Variants in PCDHGA10 observed in about 807,000 individuals in gnomAD.
The protein encoded by PCDHGA10 is protocadherin gamma-A10.
Under a neutral mutation model 59.5 loss-of-function variants are expected in PCDHGA10, and 42 were observed. The ratio of observed to expected loss-of-function variants is 0.71; its 90% CI spans 0.55 to 0.91. PCDHGA10 has a LOEUF of 0.91. PCDHGA10 is among the 40% of genes least tolerant of loss of function. PCDHGA10 has a pLI of 0.00. For synonymous variants in PCDHGA10, 511 were observed against 517.2 expected (o/e 0.99, Z 0.16); for missense variants, 1,111 against 1,198.2 (o/e 0.93, Z 1.07).
chr5:141,507,483 T>G (rs2099860964), intron 3 of PCDHGA10, among the ~76,000 whole-genome samples: 1 of 152,184 alleles, frequency 6.6e-6, no homozygotes, highest in South Asian at 2.1e-4. Context: ...GCTGGCCTCC[T>G]GAGGCAGAGC....
At chr5:141,435,665 A>C (rs1029846055) in intron 1 of PCDHGA10, among the ~76,000 whole-genome samples, 2 of 152,206 alleles carry the variant, frequency 1.3e-5, no homozygotes, top group African/African-American at 4.8e-5. Flanking sequence ...CACAGATTCC[A>C]AGTGTTTTCT....
At chr5:141,505,123 C>T (rs1320836386) in intron 2 of PCDHGA10, among the ~76,000 whole-genome samples, 1 of 152,192 alleles carries the variant, frequency 6.6e-6, no homozygotes, top group African/African-American at 2.4e-5. Flanking sequence ...GATCGCGCCA[C>T]TGCACTCCAG....
In PCDHGA10 at chr5:141,414,447, C is replaced by A. The variant is rs2095748360; in HGVS notation, c.1272C>A (p.Ile424=). The A allele has an allele frequency of 1.2e-6, 2 of 1,613,848 alleles. No individual in the cohort carries two copies. The highest frequency in any genetic ancestry group is 2.2e-5 in the East Asian group (1 of 44,874). Residue 424 remains isoleucine (I), a synonymous_variant, in exon 1 of 4, where the codon ATC becomes ATA. Transcript: ENST00000398610. The part of the protein sequence containing the change: ...LDREQVSSYN[I]TVTATDGGSP... The stretch of plus-strand genomic sequence containing the variant: ...GGGAACAGGTATCCTCTTACAATAT[C>A]ACAGTGACAGCCACAGATGGGGGAA...
intron 1 of PCDHGA10, among the ~76,000 whole-genome samples, chr5:141,450,639 A>T (rs1390959433): frequency 6.6e-6 from 1 of 151,390 alleles, no homozygotes; most frequent in Non-Finnish European, 1.5e-5. Flanking sequence ...GATGCCTGCC[A>T]CCATGCCTGG....
At chr5:141,422,611 A>C in intron 1 of PCDHGA10, 3 of 1,613,762 alleles carry the variant, frequency 1.9e-6, no homozygotes, top group Non-Finnish European at 2.5e-6. Flanking sequence ...CTCTGCCTAC[A>C]TTCCCGAAAA....
chr5:141,463,975 C>T lies in PCDHGA10; in HGVS notation c.2437-30832C>T, dbSNP rs145316182. Among the ~76,000 whole-genome samples the T allele has an allele frequency of 1.3e-3, 204 of 151,992 alleles. 1 individual carries two copies. Among genetic ancestry groups the T allele is most frequent in the African/African-American group, 4.8e-3 (198 of 41,474 alleles). The stretch of plus-strand genomic sequence containing the variant: ...TTTTTAAAATAGCTTCATAAAACTC[C>T]ATTGTAAAAACCAGGTGCAGTGGCT... On this transcript the variant is annotated intron_variant, in intron 1 of 3. Transcript: ENST00000398610.
chr5:141,415,873 G>A lies in PCDHGA10; in HGVS notation c.2436+262G>A, dbSNP rs905638480. The A allele has an allele frequency of 9.6e-6, 10 of 1,046,220 alleles. No homozygotes were observed. In the East Asian group the frequency reaches 1.8e-4, roughly 19 times the overall value. The allele number at this position is 1,046,220 out of a possible 1,614,324, so 64.8% of individuals were successfully genotyped here. A position where few individuals can be genotyped will look rare whatever the true frequency, so the allele number is the denominator to read the frequency against. On this transcript the variant is annotated intron_variant, in intron 1 of 3. Transcript: ENST00000398610. ...ACCTTGTAGTTTATAGTGTTGTTGA[G>A]TACAATATTGACAATTCCTAAGACA...
In PCDHGA10 at chr5:141,413,785, C is replaced by T. The variant is rs771027783; in HGVS notation, c.610C>T (p.Leu204=). 1 of 1,613,186 alleles carries T rather than the reference C, an allele frequency of 6.2e-7. No individual in the cohort carries two copies. The highest frequency in any genetic ancestry group is 8.5e-7 in the Non-Finnish European group (1 of 1,179,874). ...KYPELVLEHS[L]DREEEAIHHL... ...CCCGGAGCTGGTACTGGAGCACTCC[C>T]TAGATCGCGAGGAAGAGGCCATTCA... Residue 204 remains leucine, a synonymous_variant, in exon 1 of 4, where the codon CTA becomes TTA. Coordinates refer to ENST00000398610, the MANE Select transcript of PCDHGA10 (RefSeq NM_018913.3).
At chr5:141,504,113 C>A (rs568207803) in intron 2 of PCDHGA10, among the ~76,000 whole-genome samples, 1 of 152,220 alleles carries the variant, frequency 6.6e-6, no homozygotes, top group Non-Finnish European at 1.5e-5. Flanking sequence ...TGTGTGTGTG[C>A]CAGGGCTGTT....
rs200411745 is a variant in PCDHGA10, at chr5:141,490,281, C to T, written c.2437-4526C>T. The T allele has an allele frequency of 1.2e-6, 2 of 1,614,070 alleles. No homozygotes were observed. The highest frequency in any genetic ancestry group is 1.3e-5 in the African/African-American group (1 of 74,924). On this transcript the variant is annotated intron_variant, in intron 1 of 3. Transcript: ENST00000398610. This position sits in a 1 kb window ranked among gnomAD's most constrained non-coding sequence, Gnocchi z 5.4. The stretch of plus-strand genomic sequence containing the variant: ...ATGTGGGGGATGTCAATGACAATGC[C>T]CCAGAGGTGCTATTGGCCTCTTTGG...
rs1003050993 is a variant in PCDHGA10, at chr5:141,477,637, T to A, written c.2437-17170T>A. ...AAGGAGCTGAAACCGGGCTAGTGGG[T>A]CGCTATTTCACAATAAATCGTGACA... On this transcript the variant is annotated intron_variant, in intron 1 of 3. Transcript: ENST00000398610. This position sits in a 1 kb window ranked among gnomAD's most constrained non-coding sequence, Gnocchi z 4.9. 6.2e-7 allele frequency: 1 copy of A among 1,614,154 alleles called. No individual in the cohort carries two copies. Among genetic ancestry groups the A allele is most frequent in the African/African-American group, 1.3e-5 (1 of 75,040 alleles).
At chr5:141,421,913 T>C in intron 1 of PCDHGA10, 1 of 1,613,710 alleles carries the variant, frequency 6.2e-7, no homozygotes, top group Non-Finnish European at 8.5e-7. Context: ...GCAGTTCCCA[T>C]TCGTGTGGTG....
At chr5:141,455,270 A>T (rs2098818132) in intron 1 of PCDHGA10, among the ~76,000 whole-genome samples, 1 of 151,958 alleles carries the variant, frequency 6.6e-6, no homozygotes, top group South Asian at 2.1e-4. Context: ...CTTCCCATTG[A>T]TTATTAACAT....
chr5:141,422,785 T>C, intron 1 of PCDHGA10: 1 of 1,614,146 alleles, frequency 6.2e-7, no homozygotes, highest in Non-Finnish European at 8.5e-7. Flanking sequence ...TGCCCTACAA[T>C]CCTTCGACTA....
intron 1 of PCDHGA10, among the ~76,000 whole-genome samples, chr5:141,454,538 C>G (rs1229435473): frequency 6.6e-6 from 1 of 152,110 alleles, no homozygotes; most frequent in African/African-American, 2.4e-5. Context: ...TCCCAAGTAG[C>G]TGAGATTACA....
chr5:141,466,969 C>T (rs2099133068), intron 1 of PCDHGA10, among the ~76,000 whole-genome samples: 1 of 152,068 alleles, frequency 6.6e-6, no homozygotes, highest in African/African-American at 2.4e-5. Flanking sequence ...TATTTTCTCA[C>T]AGCTCATCAT....
At position 141,511,345 on chromosome 5, in the gene PCDHGA10, T is replaced by A; in HGVS notation, c.*172T>A. The A allele has an allele frequency of 7.8e-6, 11 of 1,410,508 alleles. No individual in the cohort carries two copies. The highest frequency in any genetic ancestry group is 1.0e-5 in the Non-Finnish European group (11 of 1,060,682). 87.4% of individuals were successfully genotyped at this position (1,410,508 alleles called of 1,614,324 possible). ...AAGTGCCCAGTCAGCACCTACCCCT[T>A]CCCCCCCAGGGGGTTGAATATGCAA... On this transcript the variant is annotated 3_prime_UTR_variant, in exon 4 of 4. Transcript: ENST00000398610.
chr5:141,478,563 C>A, intron 1 of PCDHGA10: 2 of 1,596,270 alleles, frequency 1.3e-6, no homozygotes, highest in South Asian at 1.1e-5. Context: ...TTTAGCAAGT[C>A]ATGCTTGACC....
In PCDHGA10 at chr5:141,413,002, G is replaced by A; in HGVS notation, c.-174G>A. 2 of 597,506 alleles carry A rather than the reference G, an allele frequency of 3.3e-6. No individual in the cohort carries two copies. Among genetic ancestry groups the A allele is most frequent in the East Asian group, 3.0e-5 (1 of 33,734 alleles). The allele number at this position is 597,506 out of a possible 1,614,324, so 37.0% of individuals were successfully genotyped here. On this transcript the variant is annotated 5_prime_UTR_variant, in exon 1 of 4. Transcript: ENST00000398610. ...GCCAGAGCTCAATCCGGATTCTCAG[G>A]GCTTCAACTACACAAGCCCCACAAA... is the stretch of plus-strand genomic sequence containing the variant.
Sources: gnomAD v4.1 joint callset for allele counts (sites outside exome capture counted in the v4.1 genomes callset) on GRCh38, gnomAD v4.1.1 for gene constraint, Gnocchi (gnomAD v3.1) non-coding constraint, MANE v1.5 for transcripts, NCBI Gene and HGNC (gene_info 2026-07-23, HGNC 2026-07-21) for gene names.